TMEM132E: variants seen among roughly 807,000 people sequenced by gnomAD.
The protein encoded by TMEM132E is transmembrane protein 132E.
In TMEM132E, 49 loss-of-function variants were observed where a neutral mutation model predicts 78.5. The observed-to-expected ratio is 0.62, with a 90% CI of 0.50 to 0.79. The LOEUF is 0.79. TMEM132E is among the 30% of genes least tolerant of loss of function. The probability of loss-of-function intolerance (pLI) is 0.00; values close to 1 mark genes in which losing one functional copy is unlikely to be tolerated. For synonymous variants in TMEM132E, 715 were observed against 670.6 expected (o/e 1.07, Z -1.02); for missense variants, 1,403 against 1,470.9 (o/e 0.95, Z 0.75).
At chr17:34,627,450 C>T (rs1354671146) in intron 2 of TMEM132E, among the ~76,000 whole-genome samples, 2 of 82,526 alleles carry the variant, frequency 2.4e-5, no homozygotes, top group East Asian at 6.6e-4. Flanking sequence ...AGCCTCTTGG[C>T]TGGGAGCCAA....
At chr17:34,635,791 C>T in intron 7 of TMEM132E, 1 of 403,992 alleles carries the variant, frequency 2.5e-6, no homozygotes, top group Non-Finnish European at 4.3e-6. Context: ...ATTTGTGTTC[C>T]CGCCTGGCTC....
chr17:34,592,077 G>A (rs750370559), intron 1 of TMEM132E, among the ~76,000 whole-genome samples: 1 of 152,208 alleles, frequency 6.6e-6, no homozygotes, highest in African/African-American at 2.4e-5. Flanking sequence ...AAGACTTCCC[G>A]GAGAGCTGTT....
At chr17:34,585,307 G>A (rs932067087) in intron 1 of TMEM132E, among the ~76,000 whole-genome samples, 5 of 152,162 alleles carry the variant, frequency 3.3e-5, no homozygotes, top group South Asian at 2.1e-4. Flanking sequence ...GGCCCTTGCC[G>A]GGGGCCTGTC....
At chr17:34,607,149 T>C (rs1188330630) in intron 1 of TMEM132E, among the ~76,000 whole-genome samples, 1 of 152,202 alleles carries the variant, frequency 6.6e-6, no homozygotes, top group African/African-American at 2.4e-5. Flanking sequence ...TACTAACCCA[T>C]TTTTGGTTCC....
rs1259963041 is a variant in TMEM132E at position 34,592,685 on chromosome 17, G to A, written c.67+11542G>A. ...ATCTTGCAGGGTTGTTGAGGATGGG[G>A]CCACTGCAGTTATGCACTCCGCCTG... On this transcript the variant is annotated intron_variant, in intron 1 of 8. Transcript: ENST00000631683. 4.6e-5 allele frequency among the ~76,000 whole-genome samples: 7 copies of A among 152,178 alleles called. No homozygotes were observed. In the East Asian group the frequency reaches 1.3e-3, roughly 29 times the overall value.
At chr17:34,612,345 G>A (rs921854569) in intron 1 of TMEM132E, among the ~76,000 whole-genome samples, 1 of 152,170 alleles carries the variant, frequency 6.6e-6, no homozygotes, top group Non-Finnish European at 1.5e-5. Flanking sequence ...CCAGGGGCAG[G>A]TGCCCAGAGG....
At chr17:34,600,002 G>T (rs1391985675) in intron 1 of TMEM132E, among the ~76,000 whole-genome samples, 1 of 152,216 alleles carries the variant, frequency 6.6e-6, no homozygotes, top group Non-Finnish European at 1.5e-5. Context: ...GAGGCCCTGG[G>T]GCCAGAGGAC....
chr17:34,630,284 A>T, intron 5 of TMEM132E, 133 bp downstream of exon 5: 1 of 941,046 alleles, frequency 1.1e-6, no homozygotes, highest in Non-Finnish European at 1.5e-6. Context: ...CTGTGCTGGG[A>T]CCCCTTCTGT....
chr17:34,608,478 C>A (rs1417508351), intron 1 of TMEM132E, among the ~76,000 whole-genome samples: 1 of 152,236 alleles, frequency 6.6e-6, no homozygotes, highest in East Asian at 1.9e-4. Context: ...TCGGCACATG[C>A]AAGAACCCAG....
chr17:34,630,250 C>G (rs911856806), intron 5 of TMEM132E, 99 bp downstream of exon 5: 1 of 1,334,518 alleles, frequency 7.5e-7, no homozygotes, highest in Non-Finnish European at 1.0e-6. Context: ...CTTACTCATC[C>G]TCTAACACTG....
Position 34,626,375 on chromosome 17 carries a change from G to A in TMEM132E, c.316G>A (p.Glu106Lys). 1.9e-6 allele frequency: 3 copies of A among 1,613,366 alleles called. No homozygotes were observed. Among genetic ancestry groups the A allele is most frequent in the Non-Finnish European group, 2.5e-6 (3 of 1,179,804 alleles). The change falls in exon 2 of 9, where the codon GAG (glutamate) becomes AAG (lysine). Residue 106 changes from glutamate to lysine, a missense_variant. Glu to Lys is a moderately conservative substitution (Grantham distance 56, BLOSUM62 1). Coordinates refer to ENST00000631683, the MANE Select transcript of TMEM132E (RefSeq NM_001304438.2). ...PFSTSQVVAR[E>K]LLQPSSTLDI... ...CAGCACCAGCCAGGTGGTGGCGCGGGAGCTCCTGCAGCCGTCCAGCACCCT... is the reference window on the plus strand; with the variant it reads ...CAGCACCAGCCAGGTGGTGGCGCGGAAGCTCCTGCAGCCGTCCAGCACCCT...
In TMEM132E at chr17:34,626,753, C is replaced by A; in HGVS notation, c.694C>A (p.Leu232Ile). The part of the protein sequence containing the change: ...EATGESQQAE[L>I]YYTLHAPDAS... ...GACGGGGGAGAGCCAGCAGGCCGAG[C>A]TCTACTACACGCTCCACGCCCCTGA... The change falls in exon 2 of 9, where the codon CTC (leucine) becomes ATC (isoleucine). Residue 232 changes from leucine (L) to isoleucine (I), a missense_variant. This residue lies in a region of TMEM132E where 511 missense variants were observed against 499.0 expected (regional missense o/e 1.02). Coordinates refer to ENST00000631683, the MANE Select transcript of TMEM132E (RefSeq NM_001304438.2). 1 of 1,394,648 alleles carries A rather than the reference C, an allele frequency of 7.2e-7. No individual in the cohort carries two copies. The highest frequency in any genetic ancestry group is 9.5e-7 in the Non-Finnish European group (1 of 1,056,246). 86.4% of individuals were successfully genotyped at this position (1,394,648 alleles called of 1,614,324 possible). A position where few individuals can be genotyped will look rare whatever the true frequency, so the allele number is the denominator to read the frequency against.
chr17:34,620,119 CG>C (rs1327998517), intron 1 of TMEM132E, among the ~76,000 whole-genome samples: 2 of 152,174 alleles, frequency 1.3e-5, no homozygotes, highest in Non-Finnish European at 2.9e-5. Context: ...CTAGCCTGCC[CG>C]GCCCTAGCTT....
At position 34,634,910 on chromosome 17, in the gene TMEM132E, G is replaced by T; in HGVS notation, c.1800G>T (p.Gln600His). Residue 600 changes from glutamine (Q) to histidine (H), a missense_variant, in exon 7 of 9, where the codon CAG becomes CAT. By Grantham distance (24) the Gln-to-His change is conservative. Around this residue, in one of 3 missense-constraint regions of TMEM132E, gnomAD observed 888 missense variants for 952.8 expected, o/e 0.93. Transcript: ENST00000631683. Reference sequence around the variant, plus strand: ...ATGCCACCCTGCAGGTCTTCACCCAGTTCCACACGACATCATCCGAGGGCA... The same window carrying T: ...ATGCCACCCTGCAGGTCTTCACCCATTTCCACACGACATCATCCGAGGGCA... ...YQHATLQVFT[Q>H]FHTTSSEGTD... 6.2e-7 allele frequency: 1 copy of T among 1,614,184 alleles called. No homozygotes were observed. The highest frequency in any genetic ancestry group is 8.5e-7 in the Non-Finnish European group (1 of 1,180,038).
At chr17:34,586,180 G>T (rs1257352131) in intron 1 of TMEM132E, among the ~76,000 whole-genome samples, 1 of 152,022 alleles carries the variant, frequency 6.6e-6, no homozygotes, top group African/African-American at 2.4e-5. Flanking sequence ...CTAACAAGTG[G>T]AAGAATCGTA....
chr17:34,605,856 T>C (rs1906396101), intron 1 of TMEM132E, among the ~76,000 whole-genome samples: 1 of 152,170 alleles, frequency 6.6e-6, no homozygotes, highest in Non-Finnish European at 1.5e-5. Context: ...TTGAGACGTA[T>C]TCTTCTCGTG....
chr17:34,632,563 AG>A (rs1907381038), intron 5 of TMEM132E, 140 bp from the exon 6 acceptor site: 2 of 763,762 alleles, frequency 2.6e-6, no homozygotes, highest in Admixed American at 2.2e-5. Flanking sequence ...CAGAGGAATC[AG>A]TGCTTCCTTC....
At chr17:34,585,840 A>G (rs920526025) in intron 1 of TMEM132E, among the ~76,000 whole-genome samples, 1 of 152,202 alleles carries the variant, frequency 6.6e-6, no homozygotes, top group South Asian at 2.1e-4. Flanking sequence ...TCAGTAGCTC[A>G]AAGTCCAACT....
In TMEM132E at chr17:34,626,182, G is replaced by A. The variant is rs781327570; in HGVS notation, c.123G>A (p.Pro41=). Residue 41 remains proline, a synonymous_variant, in exon 2 of 9, where the codon CCG becomes CCA. Coordinates refer to ENST00000631683, the MANE Select transcript of TMEM132E (RefSeq NM_001304438.2). The part of the protein sequence containing the change: ...SPSPPGPQAS[P]VLPVSYRLSH... ...GCCCGCCGGGGCCGCAGGCCAGCCC[G>A]GTGCTGCCAGTCAGCTACCGCCTGT... The A allele has an allele frequency of 8.3e-6, 13 of 1,563,580 alleles. No homozygotes were observed. In the South Asian group the frequency reaches 1.1e-4, roughly 13 times the overall value.
Sources: gnomAD v4.1 joint callset for allele counts (sites outside exome capture counted in the v4.1 genomes callset) on GRCh38, gnomAD v4.1.1 for gene constraint, gnomAD v4.1.1 regional missense constraint, MANE v1.5 for transcripts, NCBI Gene and HGNC (gene_info 2026-07-23, HGNC 2026-07-21) for gene names.